The following SGCG variants were observed in gnomAD, a reference collection of about 807,000 sequenced individuals.
The protein encoded by SGCG is gamma-sarcoglycan.
SGCG carries 26 observed loss-of-function variants against 29.3 expected under a neutral mutation model. The ratio of observed to expected loss-of-function variants is 0.89; its 90% CI spans 0.65 to 1.23. The LOEUF (loss-of-function observed/expected upper bound fraction) is 1.23. SGCG is among the 50% of genes most tolerant of loss of function. The pLI, the probability that SGCG is intolerant of heterozygous loss-of-function variation, is 0.00. For synonymous variants in SGCG, 145 were observed against 129.7 expected (o/e 1.12, Z -0.80); for missense variants, 353 against 356.0 (o/e 0.99, Z 0.07).
intron 1 of SGCG, among the ~76,000 whole-genome samples, chr13:23,200,601 G>A (rs1243411746): frequency 1.3e-5 from 2 of 152,140 alleles, no homozygotes; most frequent in African/African-American, 2.4e-5. Context: ...TATAGGTGGA[G>A]GGTGAGCATT....
chr13:23,177,705 G>A (rs755314697), upstream of SGCG, among the ~76,000 whole-genome samples: 34 of 149,604 alleles, frequency 2.3e-4, no homozygotes, highest in Non-Finnish European at 4.9e-4. Flanking sequence ...CCAAGTAGCT[G>A]GGATTACAGG....
rs1171827918 is a variant in SGCG, at chr13:23,211,108, C to T, written c.195+7219C>T. On this transcript the variant is annotated intron_variant, in intron 2 of 7. Transcript: ENST00000218867. ...CTTGGATTTGGCCAAACGTCTTGCA[C>T]CCCAGAATTAGAAAGATGACCCATC... Among the ~76,000 whole-genome samples the T allele has an allele frequency of 6.6e-5, 10 of 152,264 alleles. No homozygotes were observed. In the East Asian group the frequency reaches 1.9e-3, roughly 29 times the overall value.
At chr13:23,295,297 A>G (rs1222724218) in intron 5 of SGCG, 118 bp from the exon 6 acceptor site, 1 of 890,812 alleles carries the variant, frequency 1.1e-6, no homozygotes, top group Non-Finnish European at 1.9e-6. Context: ...AACATCTGCA[A>G]AAATTCTGCA....
intron 5 of SGCG, among the ~76,000 whole-genome samples, chr13:23,293,278 TC>T (rs1881785217): frequency 6.6e-6 from 1 of 152,238 alleles, no homozygotes; most frequent in South Asian, 2.1e-4. Context: ...TTTTGTGTGT[TC>T]CTTTATTTCA....
intron 4 of SGCG, among the ~76,000 whole-genome samples, chr13:23,262,816 C>A (rs955539042): frequency 6.6e-6 from 1 of 151,890 alleles, no homozygotes; most frequent in Non-Finnish European, 1.5e-5. Flanking sequence ...CTTCTCAGAC[C>A]ACAGCAAAAT....
intron 5 of SGCG, among the ~76,000 whole-genome samples, chr13:23,287,525 T>A (rs541645285): frequency 6.6e-6 from 1 of 152,258 alleles, no homozygotes; most frequent in Non-Finnish European, 1.5e-5. Context: ...GGTCAGACAC[T>A]CTGGGTAGGA....
chr13:23,279,491 T>G lies in SGCG; in HGVS notation c.505+13T>G. ...CTTCGAGTAACTGGTATGTACTAAC[T>G]CGAGAAAAACACAACATTCCATGGA... On this transcript the variant is annotated intron_variant, in intron 5 of 7. Transcript: ENST00000218867. 1 of 1,611,424 alleles carries G rather than the reference T, an allele frequency of 6.2e-7. No individual in the cohort carries two copies. The highest frequency in any genetic ancestry group is 1.1e-5 in the South Asian group (1 of 90,830).
intron 4 of SGCG, among the ~76,000 whole-genome samples, chr13:23,263,379 G>C (rs1372597360): frequency 6.6e-6 from 1 of 151,998 alleles, no homozygotes; most frequent in Non-Finnish European, 1.5e-5. Context: ...AAAATCTAGA[G>C]GAAGTGGATA....
At chr13:23,314,185 T>C (rs1187802822) in intron 6 of SGCG, among the ~76,000 whole-genome samples, 1 of 146,376 alleles carries the variant, frequency 6.8e-6, no homozygotes, top group Non-Finnish European at 1.5e-5. Flanking sequence ...AGTATATATA[T>C]ATATAGAGAG....
chr13:23,265,783 G>A (rs1201701539), intron 4 of SGCG, among the ~76,000 whole-genome samples: 3 of 152,128 alleles, frequency 2.0e-5, no homozygotes, highest in East Asian at 1.9e-4. Context: ...ATGTTGATAC[G>A]AATGTGGTGA....
intron 1 of SGCG, among the ~76,000 whole-genome samples, chr13:23,195,690 G>T (rs1417810484): frequency 6.6e-6 from 1 of 151,950 alleles, no homozygotes; most frequent in East Asian, 1.9e-4. Flanking sequence ...GTGTGTGTGT[G>T]TGTATAATAA....
chr13:23,320,241 C>T (rs1882983679), intron 6 of SGCG, among the ~76,000 whole-genome samples: 1 of 152,184 alleles, frequency 6.6e-6, no homozygotes, highest in African/African-American at 2.4e-5. Flanking sequence ...GTGCCACGAT[C>T]ACAACTGTGA....
At chr13:23,191,265 T>C (rs1877235985) in intron 1 of SGCG, among the ~76,000 whole-genome samples, 1 of 143,580 alleles carries the variant, frequency 7.0e-6, no homozygotes, top group African/African-American at 2.8e-5. Flanking sequence ...TCAGAAACTA[T>C]GAATAAATCT....
intron 4 of SGCG, among the ~76,000 whole-genome samples, chr13:23,250,935 A>T (rs917413565): frequency 2.2e-4 from 34 of 152,326 alleles, no homozygotes; most frequent in Middle Eastern, 3.4e-3. Context: ...TTTTTGTTCC[A>T]AGAAATAGAG....
At chr13:23,299,410 A>G (rs9510684) in intron 6 of SGCG, among the ~76,000 whole-genome samples, 2,475 of 36,598 alleles carry the variant, frequency 0.068, 56 homozygotes, top group Middle Eastern at 0.12. Context: ...TAGTTGGCAT[A>G]TATATATATA....
intron 1 of SGCG, among the ~76,000 whole-genome samples, chr13:23,193,537 G>C (rs1877365986): frequency 6.6e-6 from 1 of 152,168 alleles, no homozygotes; most frequent in Non-Finnish European, 1.5e-5. Context: ...CAGAGAGATT[G>C]TGATGGCACT....
At chr13:23,252,578 C>G (rs11838441) in intron 4 of SGCG, among the ~76,000 whole-genome samples, 2 of 151,908 alleles carry the variant, frequency 1.3e-5, no homozygotes, top group Non-Finnish European at 2.9e-5. Context: ...GTAGTCTCAG[C>G]TACTTGGGCG....
chr13:23,269,840 T>A (rs112683734), intron 4 of SGCG, among the ~76,000 whole-genome samples: 1 of 150,232 alleles, frequency 6.7e-6, no homozygotes, highest in African/African-American at 2.4e-5. Context: ...TGTATTTTGT[T>A]TTTTTTTTTG....
At chr13:23,237,041 T>C (rs1318511165) in intron 3 of SGCG, among the ~76,000 whole-genome samples, 1 of 152,164 alleles carries the variant, frequency 6.6e-6, no homozygotes, top group African/African-American at 2.4e-5. Context: ...AGAAAAGAAA[T>C]TACTTTATGA....
Sources: gnomAD v4.1 joint callset for allele counts (sites outside exome capture counted in the v4.1 genomes callset) on GRCh38, gnomAD v4.1.1 for gene constraint, MANE v1.5 for transcripts, NCBI Gene and HGNC (gene_info 2026-07-23, HGNC 2026-07-21) for gene names.